Variants in CRB1 observed in about 807,000 individuals in gnomAD.
The protein encoded by CRB1 is crumbs cell polarity complex component 1, also known as protein crumbs homolog 1.
A neutral mutation model predicts 120.0 loss-of-function variants in CRB1; 83 were observed. That is an observed-to-expected ratio of 0.69 (90% CI 0.58 to 0.83). The LOEUF (loss-of-function observed/expected upper bound fraction) is 0.83, where lower values mean the gene tolerates loss of function less well. Ranked by LOEUF, CRB1 falls within the 40% of genes least tolerant of loss-of-function variation. The probability of loss-of-function intolerance (pLI) is 0.00; values close to 1 mark genes in which losing one functional copy is unlikely to be tolerated. For missense variants in CRB1, 1,699 were observed against 1,687.6 expected, an observed-to-expected ratio of 1.01 and a Z score of -0.12; for synonymous variants, 625 against 612.5, an observed-to-expected ratio of 1.02 and a Z score of -0.30.
At chr1:197,389,424 T>G (rs1398674766) in intron 5 of CRB1, among the ~76,000 whole-genome samples, 1 of 152,144 alleles carries the variant, frequency 6.6e-6, no homozygotes, top group Non-Finnish European at 1.5e-5. Context: ...ATATGTTAAG[T>G]GAAATAATCC....
chr1:197,466,454 TG>T (rs1234301208), intron 11 of CRB1, among the ~76,000 whole-genome samples: 1 of 152,208 alleles, frequency 6.6e-6, no homozygotes, highest in East Asian at 1.9e-4. Context: ...AATGTAGGCT[TG>T]GACCAAATAA....
At chr1:197,350,106 C>CAAA (rs551040523) in intron 4 of CRB1, among the ~76,000 whole-genome samples, 16 of 65,748 alleles carry the variant, frequency 2.4e-4, no homozygotes, top group African/African-American at 6.4e-4. Context: ...GACTCCGTCT[C>CAAA]AAAAAAAAAA....
chr1:197,233,112 C>T, the CRB1 span, among the ~76,000 whole-genome samples: 1 of 151,970 alleles, frequency 6.6e-6, no homozygotes, highest in Non-Finnish European at 1.5e-5. Context: ...GTTTTTGAAA[C>T]TGCATCCCCA....
At chr1:197,239,827 C>T in the CRB1 span, among the ~76,000 whole-genome samples, 1 of 148,746 alleles carries the variant, frequency 6.7e-6, no homozygotes, top group Admixed American at 6.7e-5. Context: ...GAGTGTATCC[C>T]TTTGTATAGC....
chr1:197,360,805 C>T (rs187896596), intron 5 of CRB1, among the ~76,000 whole-genome samples: 1 of 152,270 alleles, frequency 6.6e-6, no homozygotes, highest in Admixed American at 6.5e-5. Flanking sequence ...GTTTATTTTA[C>T]TGTGTTGAGT....
intron 1 of CRB1, among the ~76,000 whole-genome samples, chr1:197,269,390 A>G (rs1187778983): frequency 6.6e-6 from 1 of 152,234 alleles, no homozygotes; most frequent in African/African-American, 2.4e-5. Flanking sequence ...TTGAACATAT[A>G]TTAGAGACTG....
chr1:197,329,574 T>C (rs1658733431), intron 2 of CRB1, among the ~76,000 whole-genome samples: 1 of 152,234 alleles, frequency 6.6e-6, no homozygotes, highest in Non-Finnish European at 1.5e-5. Context: ...AATGTTTCTG[T>C]TGATAGAATT....
intron 4 of CRB1, among the ~76,000 whole-genome samples, chr1:197,352,631 G>C (rs569250996): frequency 1.3e-5 from 2 of 151,714 alleles, no homozygotes; most frequent in African/African-American, 4.8e-5. Flanking sequence ...TCTTTGTTGC[G>C]GGGGGTCACT....
intron 1 of CRB1, among the ~76,000 whole-genome samples, chr1:197,291,922 G>A (rs1656205494): frequency 6.6e-6 from 1 of 151,958 alleles, no homozygotes; most frequent in African/African-American, 2.4e-5. Context: ...AAAGCAGTGT[G>A]TAGAGGGAAA....
intron 11 of CRB1, among the ~76,000 whole-genome samples, chr1:197,457,760 A>G (rs937114599): frequency 1.3e-5 from 2 of 152,162 alleles, no homozygotes; most frequent in African/African-American, 4.8e-5. Flanking sequence ...CAGAAGAACA[A>G]AAAGCACATT....
intron 11 of CRB1, among the ~76,000 whole-genome samples, chr1:197,470,329 A>T (rs559214008): frequency 6.6e-6 from 1 of 152,278 alleles, no homozygotes; most frequent in African/African-American, 2.4e-5. Context: ...ATCAAAGAGG[A>T]TGGTCAGGGA....
intron 2 of CRB1, among the ~76,000 whole-genome samples, chr1:197,343,543 T>C (rs1195965653): frequency 1.3e-5 from 2 of 152,146 alleles, no homozygotes; most frequent in Non-Finnish European, 2.9e-5. Context: ...ATGCCATTAA[T>C]TACATTGTCA....
rs1007230230 is a variant in CRB1 at position 197,405,876 on chromosome 1, C to A, written c.1172-15124C>A. Among the ~76,000 whole-genome samples, 51 of 152,054 alleles carry A rather than the reference C, an allele frequency of 3.4e-4. 1 individual carries two copies. Among genetic ancestry groups the A allele is most frequent in the African/African-American group, 1.1e-3 (46 of 41,504 alleles). On this transcript the variant is annotated intron_variant, in intron 5 of 11. Transcript: ENST00000367400. ...GTCTGGGAAGTGAGGAGCGTCTCCG[C>A]CCCGCAGCCACCCCGTCTGGGAAGG...
chr1:197,227,809 A>T, the CRB1 span, among the ~76,000 whole-genome samples: 1 of 152,142 alleles, frequency 6.6e-6, no homozygotes, highest in South Asian at 2.1e-4. Context: ...GGTTTCCATG[A>T]GGGCCCCGCT....
intron 5 of CRB1, among the ~76,000 whole-genome samples, chr1:197,416,377 C>T (rs1473344272): frequency 6.6e-6 from 1 of 152,182 alleles, no homozygotes; most frequent in Non-Finnish European, 1.5e-5. Flanking sequence ...GTTTTATTCT[C>T]ATATATTATC....
At chr1:197,216,326 T>C in the CRB1 span, among the ~76,000 whole-genome samples, 1 of 151,482 alleles carries the variant, frequency 6.6e-6, no homozygotes, top group African/African-American at 2.5e-5. Flanking sequence ...CCAAAATATC[T>C]ATGAGGACAG....
intron 6 of CRB1, among the ~76,000 whole-genome samples, chr1:197,424,230 T>A (rs1489647223): frequency 6.6e-6 from 1 of 152,158 alleles, no homozygotes; most frequent in African/African-American, 2.4e-5. Context: ...AATAGAGAGA[T>A]CACTCACTCC....
chr1:197,329,635 A>C (rs1421618501), intron 2 of CRB1, among the ~76,000 whole-genome samples: 1 of 152,222 alleles, frequency 6.6e-6, no homozygotes, highest in Non-Finnish European at 1.5e-5. Flanking sequence ...ACCAAGTTAC[A>C]TGCTATTCAG....
chr1:197,465,317 T>A (rs1666705554), intron 11 of CRB1, among the ~76,000 whole-genome samples: 1 of 152,168 alleles, frequency 6.6e-6, no homozygotes, highest in Non-Finnish European at 1.5e-5. Context: ...AACCTAGCCT[T>A]TGCTTCTGTT....
Sources: allele counts gnomAD v4.1 joint callset (sites outside exome capture counted in the v4.1 genomes callset), GRCh38; gene constraint gnomAD v4.1.1; transcripts MANE v1.5; gene names NCBI Gene and HGNC (gene_info 2026-07-23, HGNC 2026-07-21).